RORA: variants seen among roughly 807,000 people sequenced by gnomAD.
RORA encodes RAR related orphan receptor A, also known as nuclear receptor ROR-alpha.
Under a neutral mutation model 69.5 loss-of-function variants are expected in RORA, and 7 were observed. The observed-to-expected ratio is 0.10, with a 90% confidence interval of 0.06 to 0.19. The LOEUF (loss-of-function observed/expected upper bound fraction) is 0.19. Ranked by LOEUF, RORA falls within the 10% of genes least tolerant of loss-of-function variation. The pLI is 1.00. For synonymous variants in RORA, 261 were observed against 240.8 expected, an observed-to-expected ratio of 1.08 and a Z score of -0.78; for missense variants, 457 against 663.0, an observed-to-expected ratio of 0.69 and a Z score of 3.41.
chr15:61,141,427 G>A (rs541883999), intron 1 of RORA, among the ~76,000 whole-genome samples: 17 of 152,208 alleles, frequency 1.1e-4, no homozygotes, highest in African/African-American at 3.6e-4. Context: ...TAGGACTAGC[G>A]AGAGACACCC....
At chr15:60,970,175 GC>G (rs747161814) in intron 1 of RORA, among the ~76,000 whole-genome samples, 1 of 152,138 alleles carries the variant, frequency 6.6e-6, no homozygotes, top group Non-Finnish European at 1.5e-5. Context: ...GAAATAAATG[GC>G]TGTTGTTTAA....
intron 1 of RORA, among the ~76,000 whole-genome samples, chr15:60,890,198 A>G (rs1048865990): frequency 6.6e-6 from 1 of 152,214 alleles, no homozygotes; most frequent in Non-Finnish European, 1.5e-5. Context: ...AGGCACTTTC[A>G]CGTTCATTTA....
chr15:60,592,446 G>A, intron 2 of RORA: 3 of 1,415,884 alleles, frequency 2.1e-6, no homozygotes, highest in African/African-American at 1.5e-5. Flanking sequence ...AGCGCAGGGA[G>A]AGCGGATGGT....
chr15:61,063,985 C>T (rs1463264169), intron 1 of RORA, among the ~76,000 whole-genome samples: 1 of 152,142 alleles, frequency 6.6e-6, no homozygotes, highest in Non-Finnish European at 1.5e-5. Context: ...GGCTCTTTCT[C>T]GCTTCAGAAT....
chr15:60,985,477 T>G (rs1330386692), intron 1 of RORA, among the ~76,000 whole-genome samples: 1 of 152,104 alleles, frequency 6.6e-6, no homozygotes, highest in Non-Finnish European at 1.5e-5. Context: ...TTTTAAATTT[T>G]AGTACCTGTA....
intron 2 of RORA, among the ~76,000 whole-genome samples, chr15:60,601,337 A>G (rs2068805017): frequency 6.6e-6 from 1 of 152,200 alleles, no homozygotes; most frequent in Admixed American, 6.5e-5. Context: ...CATACTGTAC[A>G]TGGTTGTAAT....
intron 1 of RORA, among the ~76,000 whole-genome samples, chr15:61,038,000 A>T (rs1406408733): frequency 7.9e-5 from 12 of 152,330 alleles, no homozygotes; most frequent in Admixed American, 7.2e-4. Context: ...CTGTCTCTGC[A>T]TTAACATGGG....
intron 1 of RORA, among the ~76,000 whole-genome samples, chr15:60,908,712 T>C (rs1024124072): frequency 6.6e-6 from 1 of 152,148 alleles, no homozygotes; most frequent in Non-Finnish European, 1.5e-5. Flanking sequence ...CCTTCACCAC[T>C]GCCCCAGTAA....
chr15:60,916,358 T>C (rs1485410479), intron 1 of RORA, among the ~76,000 whole-genome samples: 1 of 152,218 alleles, frequency 6.6e-6, no homozygotes, highest in Non-Finnish European at 1.5e-5. Flanking sequence ...GAGACCCTGG[T>C]ATTCTATGAC....
intron 1 of RORA, among the ~76,000 whole-genome samples, chr15:60,835,477 C>G (rs1182917465): frequency 6.6e-6 from 1 of 152,180 alleles, no homozygotes. Context: ...CTCTGATTGG[C>G]CTTCCAGAGC....
intron 1 of RORA, among the ~76,000 whole-genome samples, chr15:61,062,866 A>C (rs1309484736): frequency 6.6e-6 from 1 of 152,202 alleles, no homozygotes; most frequent in African/African-American, 2.4e-5. Context: ...TCTGTGATGA[A>C]GCACGTGGTA....
At chr15:60,880,751 A>C (rs1877205548) in intron 1 of RORA, among the ~76,000 whole-genome samples, 1 of 152,240 alleles carries the variant, frequency 6.6e-6, no homozygotes, top group African/African-American at 2.4e-5. Flanking sequence ...AAATATATGC[A>C]TATAGCAATA....
chr15:60,597,020 A>T (rs2068681030), intron 2 of RORA, among the ~76,000 whole-genome samples: 1 of 152,150 alleles, frequency 6.6e-6, no homozygotes, highest in Non-Finnish European at 1.5e-5. Flanking sequence ...AAATCAGCTG[A>T]CCTGTGCTCT....
At chr15:61,067,244 T>C (rs1486979516) in intron 1 of RORA, among the ~76,000 whole-genome samples, 3 of 151,876 alleles carry the variant, frequency 2.0e-5, no homozygotes, top group Admixed American at 6.6e-5. Flanking sequence ...CCTGAGTAGC[T>C]AAGATTACAG....
chr15:60,776,392 T>C (rs1035129077), intron 1 of RORA, among the ~76,000 whole-genome samples: 1 of 152,216 alleles, frequency 6.6e-6, no homozygotes, highest in Non-Finnish European at 1.5e-5. Flanking sequence ...GGCGGAACTC[T>C]GTCCAGGCAT....
intron 1 of RORA, among the ~76,000 whole-genome samples, chr15:61,227,647 G>A (rs1056591673): frequency 1.3e-5 from 2 of 151,930 alleles, no homozygotes; most frequent in Non-Finnish European, 2.9e-5. Flanking sequence ...ACAACATCGA[G>A]AGGAAGGGAG....
At chr15:60,621,237 A>T (rs2069398651) in intron 2 of RORA, among the ~76,000 whole-genome samples, 1 of 151,952 alleles carries the variant, frequency 6.6e-6, no homozygotes, top group African/African-American at 2.4e-5. Context: ...ATACCTCTTT[A>T]TCAAGTTCAG....
intron 1 of RORA, among the ~76,000 whole-genome samples, chr15:60,845,917 T>C (rs998549578): frequency 2.0e-5 from 3 of 152,182 alleles, no homozygotes; most frequent in Non-Finnish European, 4.4e-5. Context: ...CGGCTAATTT[T>C]TGTATTTTTA....
chr15:60,807,053 C>G (rs995314373), intron 1 of RORA, among the ~76,000 whole-genome samples: 1 of 152,034 alleles, frequency 6.6e-6, no homozygotes, highest in Non-Finnish European at 1.5e-5. Flanking sequence ...TACTGGAAGT[C>G]CTAGTCAGAG....
Sources: gnomAD v4.1 joint callset for allele counts (sites outside exome capture counted in the v4.1 genomes callset) on GRCh38, gnomAD v4.1.1 for gene constraint, MANE v1.5 for transcripts, NCBI Gene and HGNC (gene_info 2026-07-23, HGNC 2026-07-21) for gene names.